MAPT: variants seen among roughly 807,000 people sequenced by gnomAD.
MAPT encodes the protein microtubule associated protein tau, also known as microtubule-associated protein tau.
MAPT carries 34 observed loss-of-function variants against 67.9 expected under a neutral mutation model. The ratio of observed to expected loss-of-function variants is 0.50; its 90% CI spans 0.38 to 0.67. The LOEUF (loss-of-function observed/expected upper bound fraction) is 0.67, where lower values mean the gene tolerates loss of function less well. Ranked by LOEUF, MAPT falls within the 30% of genes least tolerant of loss-of-function variation. The probability of loss-of-function intolerance (pLI) is 0.00; values close to 1 mark genes in which losing one functional copy is unlikely to be tolerated. For synonymous variants in MAPT, 456 were observed against 464.5 expected (o/e 0.98, Z 0.23); for missense variants, 881 against 1,115.2 (o/e 0.79, Z 2.99).
chr17:46,008,688 A>C (rs992402151), intron 9 of MAPT, among the ~76,000 whole-genome samples: 2 of 152,202 alleles, frequency 1.3e-5, no homozygotes, highest in African/African-American at 4.8e-5. Flanking sequence ...TTAAGGGGAA[A>C]AAAAACGGGA....
chr17:45,987,472 G>A (rs902692366), intron 6 of MAPT, among the ~76,000 whole-genome samples: 7 of 152,168 alleles, frequency 4.6e-5, no homozygotes, highest in Non-Finnish European at 1.0e-4. Context: ...TGCATAAACT[G>A]CACCCAGATC....
intron 2 of MAPT, among the ~76,000 whole-genome samples, chr17:45,968,916 G>A (rs1598201190): frequency 6.6e-6 from 1 of 152,232 alleles, no homozygotes; most frequent in African/African-American, 2.4e-5. Flanking sequence ...CTGTGAGCCA[G>A]TGGAGCTACT....
Position 45,941,721 on chromosome 17 carries a change from T to TCCTG in MAPT, c.-17-20597_-17-20596insGCCT, listed in dbSNP as rs1200571064. Among the ~76,000 whole-genome samples the TCCTG allele has an allele frequency of 2.2e-4, 28 of 124,728 alleles. No homozygotes were observed. In the South Asian group the frequency reaches 2.5e-3, roughly 11 times the overall value. 81.8% of individuals were successfully genotyped at this position (124,728 alleles called of 152,430 possible). A position where few individuals can be genotyped will look rare whatever the true frequency, so the allele number is the denominator to read the frequency against. On this transcript the variant is annotated intron_variant, in intron 1 of 12. Coordinates refer to ENST00000262410, the MANE Select transcript of MAPT (RefSeq NM_001377265.1). The stretch of plus-strand genomic sequence containing the variant: ...TTCCTGCCTGCCTTCCTTCCTTCCT[T>TCCTG]CCTTCCTTCCTTCCTTCCTTCCTTC...
In MAPT at chr17:45,990,081, G is replaced by C. The variant is rs770146451; in HGVS notation, c.1605+6G>C. ...CAAAGGAGATGAAACTCAAGGTAAGGAAACCACCTTTGAAAAGAACCAGGC... is the reference window on the plus strand; with the variant it reads ...CAAAGGAGATGAAACTCAAGGTAAGCAAACCACCTTTGAAAAGAACCAGGC... On this transcript the variant is annotated splice_donor_region_variant and intron_variant, in intron 7 of 12. Transcript: ENST00000262410. The C allele has an allele frequency of 1.3e-5, 21 of 1,613,820 alleles. No individual in the cohort carries two copies. Among genetic ancestry groups the C allele is most frequent in the Non-Finnish European group, 1.8e-5 (21 of 1,179,784 alleles).
Position 45,982,925 on chromosome 17 carries a change from A to T in MAPT, c.346A>T (p.Ile116Phe), listed in dbSNP as rs540035272. 3.6e-6 allele frequency: 5 copies of T among 1,385,478 alleles called. No individual in the cohort carries two copies. In the Admixed American group the frequency reaches 1.5e-4, roughly 42 times the overall value. 85.8% of individuals were successfully genotyped at this position (1,385,478 alleles called of 1,614,324 possible). The stretch of plus-strand genomic sequence containing the variant: ...GCCTGAAAGGCCCCTGGCCAATGAG[A>T]TTAGCGCCCACGTCCAGCCTGGACC... ...KAPERPLANE[I>F]SAHVQPGPCG... Residue 116 changes from isoleucine to phenylalanine, a missense_variant, in exon 5 of 13, where the codon ATT (isoleucine) becomes TTT (phenylalanine). Physicochemically the swap from Ile to Phe is conservative, Grantham distance 21 (BLOSUM62 0). Coordinates refer to ENST00000262410, the MANE Select transcript of MAPT (RefSeq NM_001377265.1).
In MAPT at chr17:45,996,324, G is replaced by A; in HGVS notation, c.1733-75G>A. ...TGGTGAGCCTGGGAATGGACCCACGGGACAGGCAGCCCCCAGGGCCTTTTC... is the reference window on the plus strand; with the variant it reads ...TGGTGAGCCTGGGAATGGACCCACGAGACAGGCAGCCCCCAGGGCCTTTTC... On this transcript the variant is annotated intron_variant, in intron 8 of 12. Transcript: ENST00000262410. The surrounding 1 kb of genome is among the most constrained non-coding windows in gnomAD (Gnocchi z 4.5). The A allele has an allele frequency of 6.5e-7, 1 of 1,545,092 alleles. No individual in the cohort carries two copies. The highest frequency in any genetic ancestry group is 8.9e-7 in the Non-Finnish European group (1 of 1,129,628).
rs905145802 is a variant in MAPT at position 45,915,213 on chromosome 17, C to T, written c.-18+20527C>T. Among the ~76,000 whole-genome samples, 7 of 151,486 alleles carry T rather than the reference C, an allele frequency of 4.6e-5. No homozygotes were observed. Among genetic ancestry groups the T allele is most frequent in the African/African-American group, 7.3e-5 (3 of 41,180 alleles). On this transcript the variant is annotated intron_variant, in intron 1 of 12. Coordinates refer to ENST00000262410, the MANE Select transcript of MAPT (RefSeq NM_001377265.1). The surrounding 1 kb of genome is among the most constrained non-coding windows in gnomAD (Gnocchi z 4.4). ...TTAGAGACTGGAGTGCGTGTGTGTG[C>T]GCGCAAAGTGTGGGGGGATGGGGGT...
chr17:45,907,208 C>T (rs1236622358), intron 1 of MAPT, among the ~76,000 whole-genome samples: 1 of 152,182 alleles, frequency 6.6e-6, no homozygotes, highest in African/African-American at 2.4e-5. Flanking sequence ...TCATAGATGC[C>T]GTGCTCTTTC....
At position 46,026,662 on chromosome 17, in the gene MAPT, C is replaced by T. The variant is rs958467871; in HGVS notation, c.*2491C>T. ...CACAGCAGGGATTGGGATGAATTGC[C>T]TGTCCTGGATCTGCTCTAGAGGCCC... On this transcript the variant is annotated 3_prime_UTR_variant, in exon 13 of 13. Coordinates refer to ENST00000262410, the MANE Select transcript of MAPT (RefSeq NM_001377265.1). The T allele has an allele frequency of 3.3e-5, 5 of 152,326 alleles. No individual in the cohort carries two copies. The highest frequency in any genetic ancestry group is 1.2e-4 in the African/African-American group (5 of 41,448). 9.4% of individuals were successfully genotyped at this position (152,326 alleles called of 1,614,324 possible). A position where few individuals can be genotyped will look rare whatever the true frequency, so the allele number is the denominator to read the frequency against.
At chr17:45,963,532 G>A (rs2070697315) in intron 2 of MAPT, among the ~76,000 whole-genome samples, 1 of 152,238 alleles carries the variant, frequency 6.6e-6, no homozygotes, top group Non-Finnish European at 1.5e-5. Context: ...ACAGCCCACA[G>A]TGCAGCCCGA....
chr17:45,917,287 A>G (rs2065281265), intron 1 of MAPT, among the ~76,000 whole-genome samples: 1 of 152,224 alleles, frequency 6.6e-6, no homozygotes, highest in Non-Finnish European at 1.5e-5. Flanking sequence ...ACCAACGCTA[A>G]GGTCGAGTGG....
intron 3 of MAPT, chr17:45,977,779 A>G (rs1411656567): frequency 6.5e-6 from 1 of 153,218 alleles, no homozygotes; most frequent in Non-Finnish European, 1.5e-5. Context: ...GAAATGTAAC[A>G]TTTTGGGGCA....
rs80346216 is a variant in MAPT, at chr17:45,897,110, G to T, written c.-18+2424G>T. 21,834 of 152,336 alleles carry T rather than the reference G, an allele frequency of 0.14. 2,131 individuals are homozygous for T. Among genetic ancestry groups the T allele is most frequent in the Middle Eastern group, 0.22 (64 of 294 alleles). 9.4% of individuals were successfully genotyped at this position (152,336 alleles called of 1,614,324 possible). A position where few individuals can be genotyped will look rare whatever the true frequency, so the allele number is the denominator to read the frequency against. On this transcript the variant is annotated intron_variant, in intron 1 of 12. Coordinates refer to ENST00000262410, the MANE Select transcript of MAPT (RefSeq NM_001377265.1). The surrounding 1 kb of genome is among the most constrained non-coding windows in gnomAD (Gnocchi z 5.0). ...CTCCTCGCATGGCTGGGCCCGCCGC[G>T]AGGGGTTGCAGAGCGGCTCAGGGAT...
chr17:45,911,850 A>G (rs541350396), intron 1 of MAPT, among the ~76,000 whole-genome samples: 1 of 152,302 alleles, frequency 6.6e-6, no homozygotes, highest in South Asian at 2.1e-4. Context: ...TTATATATTT[A>G]TTTGTTCATC....
At chr17:46,015,501 T>C (rs970643724) in intron 11 of MAPT, among the ~76,000 whole-genome samples, 17 of 149,412 alleles carry the variant, frequency 1.1e-4, no homozygotes, top group Non-Finnish European at 2.5e-4. Flanking sequence ...CTACTAAAAA[T>C]ACAAAAAATT....
At chr17:45,929,021 C>T (rs550412253) in intron 1 of MAPT, among the ~76,000 whole-genome samples, 30 of 152,204 alleles carry the variant, frequency 2.0e-4, no homozygotes, top group African/African-American at 7.2e-4. Context: ...ATTTTTAAAG[C>T]ACTGCAGAGA....
rs540290402 is a variant in MAPT at position 46,013,743 on chromosome 17, G to A, written c.2092-500G>A. Among the ~76,000 whole-genome samples the A allele has an allele frequency of 9.5e-4, 144 of 152,182 alleles. 1 individual carries two copies. Among genetic ancestry groups the A allele is most frequent in the African/African-American group, 1.9e-3 (78 of 41,512 alleles). On this transcript the variant is annotated intron_variant, in intron 10 of 12. Coordinates refer to ENST00000262410, the MANE Select transcript of MAPT (RefSeq NM_001377265.1). ...AAGCCCACGCATCGACCCTCACAGC[G>A]CCTCCCCTCTTTGAGGCCCAGCAGA... is the stretch of plus-strand genomic sequence containing the variant.
chr17:45,998,669 G>T (rs1015834039), intron 9 of MAPT, among the ~76,000 whole-genome samples: 1 of 152,184 alleles, frequency 6.6e-6, no homozygotes, highest in African/African-American at 2.4e-5. Flanking sequence ...CCTGGTTAGA[G>T]ACCTTGGGGA....
chr17:45,946,248 G>A (rs1381160693), intron 1 of MAPT, among the ~76,000 whole-genome samples: 1 of 152,032 alleles, frequency 6.6e-6, no homozygotes, highest in Non-Finnish European at 1.5e-5. Flanking sequence ...AGGGACAGGA[G>A]CACCATCAGT....
Sources: gnomAD v4.1 joint callset for allele counts (sites outside exome capture counted in the v4.1 genomes callset) on GRCh38, gnomAD v4.1.1 for gene constraint, Gnocchi (gnomAD v3.1) non-coding constraint, MANE v1.5 for transcripts, NCBI Gene and HGNC (gene_info 2026-07-23, HGNC 2026-07-21) for gene names.